Variants in PCDH9 observed in about 807,000 individuals in gnomAD.
The protein encoded by PCDH9 is protocadherin-9.
A neutral mutation model predicts 70.6 loss-of-function variants in PCDH9; 24 were observed. The observed-to-expected ratio is 0.34, with a 90% CI of 0.25 to 0.48. The LOEUF (loss-of-function observed/expected upper bound fraction) is 0.48, where lower values mean the gene tolerates loss of function less well. Ranked by LOEUF, PCDH9 falls within the 20% of genes least tolerant of loss-of-function variation. PCDH9 has a pLI of 0.99. For missense variants in PCDH9, 1,281 were observed against 1,503.6 expected, an observed-to-expected ratio of 0.85 and a Z score of 2.45; for synonymous variants, 562 against 558.5, an observed-to-expected ratio of 1.01 and a Z score of -0.09.
chr13:66,682,352 TTATCTATCTATCTATCTATCTATCTATC>T (rs67403062), intron 3 of PCDH9, among the ~76,000 whole-genome samples: 20 of 150,166 alleles, frequency 1.3e-4, no homozygotes, highest in African/African-American at 3.4e-4. Context: ...GCTGTATTTA[TTATCTATCTATCTATCTATCTATCTATC>T]TATCTATCTA....
intron 2 of PCDH9, among the ~76,000 whole-genome samples, chr13:67,091,335 G>A (rs919823759): frequency 6.6e-6 from 1 of 152,018 alleles, no homozygotes; most frequent in Non-Finnish European, 1.5e-5. Context: ...AAATGCAAGA[G>A]GTGAAGCTAA....
intron 3 of PCDH9, among the ~76,000 whole-genome samples, chr13:66,688,770 T>C (rs112455858): frequency 1.3e-5 from 2 of 152,154 alleles, no homozygotes; most frequent in Admixed American, 6.6e-5. Context: ...ATATAGCACT[T>C]GCATATTTTC....
At chr13:66,473,839 GCTCT>G (rs1402964099) in intron 4 of PCDH9, among the ~76,000 whole-genome samples, 1 of 152,044 alleles carries the variant, frequency 6.6e-6, no homozygotes, top group Non-Finnish European at 1.5e-5. Context: ...AACATATCTG[GCTCT>G]CTATCTCCTG....
chr13:66,646,764 G>T (rs2077776393), intron 3 of PCDH9, among the ~76,000 whole-genome samples: 1 of 152,240 alleles, frequency 6.6e-6, no homozygotes. Flanking sequence ...CACAGGACTT[G>T]GTTTTAACTT....
chr13:66,447,550 T>C (rs1017527397), intron 4 of PCDH9, among the ~76,000 whole-genome samples: 2 of 152,136 alleles, frequency 1.3e-5, no homozygotes, highest in Non-Finnish European at 2.9e-5. Flanking sequence ...TGTTTTAATA[T>C]GTGTGTGCGA....
At chr13:66,666,098 T>C (rs1443622954) in intron 3 of PCDH9, among the ~76,000 whole-genome samples, 1 of 152,200 alleles carries the variant, frequency 6.6e-6, no homozygotes, top group Non-Finnish European at 1.5e-5. Context: ...TGCCACTGTG[T>C]GTGAATGCAG....
intron 3 of PCDH9, among the ~76,000 whole-genome samples, chr13:66,643,274 T>C (rs1477778970): frequency 6.6e-6 from 1 of 152,092 alleles, no homozygotes; most frequent in Non-Finnish European, 1.5e-5. Context: ...ATCAGAGTCC[T>C]TATAATGATC....
At chr13:67,159,486 A>T (rs889097125) in intron 2 of PCDH9, among the ~76,000 whole-genome samples, 2 of 152,202 alleles carry the variant, frequency 1.3e-5, no homozygotes, top group African/African-American at 4.8e-5. Context: ...TGGAATTTAC[A>T]AAAAGAAAAG....
intron 2 of PCDH9, chr13:67,201,036 T>C (rs1347186236): frequency 6.6e-6 from 1 of 152,114 alleles, no homozygotes; most frequent in Non-Finnish European, 1.5e-5. Flanking sequence ...TTCTGAAACT[T>C]TATTGTGAAT....
chr13:66,773,945 T>G (rs2139280528), intron 3 of PCDH9, among the ~76,000 whole-genome samples: 1 of 151,814 alleles, frequency 6.6e-6, no homozygotes, highest in South Asian at 2.1e-4. Flanking sequence ...GCCCGGCTAA[T>G]TTTTGTATTT....
chr13:67,082,387 T>C (rs1017617567), intron 2 of PCDH9, among the ~76,000 whole-genome samples: 25 of 152,208 alleles, frequency 1.6e-4, no homozygotes, highest in Admixed American at 1.4e-3. Context: ...CATAATGTCT[T>C]CCAGATTAAA....
At chr13:66,632,577 T>G (rs1047050062) in intron 3 of PCDH9, among the ~76,000 whole-genome samples, 4 of 152,148 alleles carry the variant, frequency 2.6e-5, no homozygotes, top group African/African-American at 9.7e-5. Context: ...ATTGTCATGT[T>G]TACCAAAAAA....
intron 4 of PCDH9, among the ~76,000 whole-genome samples, chr13:66,562,547 G>A (rs951081770): frequency 1.3e-5 from 2 of 152,190 alleles, no homozygotes; most frequent in Non-Finnish European, 2.9e-5. Flanking sequence ...GCAGGCAAGA[G>A]AGCATGTGCA....
At chr13:67,127,379 G>A (rs549731323) in intron 2 of PCDH9, among the ~76,000 whole-genome samples, 1 of 152,248 alleles carries the variant, frequency 6.6e-6, no homozygotes, top group East Asian at 1.9e-4. Flanking sequence ...CAGGGATGGG[G>A]ATCTGCTCGT....
intron 4 of PCDH9, among the ~76,000 whole-genome samples, chr13:66,483,690 T>C (rs568004300): frequency 4.6e-5 from 7 of 152,304 alleles, no homozygotes; most frequent in South Asian, 2.1e-4. Flanking sequence ...CTTTAAGTGA[T>C]ACTGAAGTGG....
At chr13:66,903,739 T>C (rs2082314416) in intron 2 of PCDH9, 134 bp from the exon 3 acceptor site, 2 of 423,556 alleles carry the variant, frequency 4.7e-6, no homozygotes, top group Non-Finnish European at 8.6e-6. Flanking sequence ...CAGAGATACA[T>C]GCATTAAGAT....
chr13:67,116,558 TA>T (rs932101150), intron 2 of PCDH9, among the ~76,000 whole-genome samples: 22 of 151,680 alleles, frequency 1.5e-4, no homozygotes, highest in African/African-American at 4.4e-4. Context: ...TCAACTTGAA[TA>T]AAAAAAAATT....
At chr13:66,363,114 AG>A (rs1243153283) in intron 4 of PCDH9, among the ~76,000 whole-genome samples, 1 of 152,072 alleles carries the variant, frequency 6.6e-6, no homozygotes, top group Admixed American at 6.6e-5. Flanking sequence ...AGGAGGCAAA[AG>A]TTGCAGTGAG....
At chr13:66,655,636 G>C (rs1405622409) in intron 3 of PCDH9, among the ~76,000 whole-genome samples, 1 of 151,864 alleles carries the variant, frequency 6.6e-6, no homozygotes, top group Non-Finnish European at 1.5e-5. Flanking sequence ...GACAAATAAG[G>C]CTTAGCAATA....
Sources: gnomAD v4.1 joint callset for allele counts (sites outside exome capture counted in the v4.1 genomes callset) on GRCh38, gnomAD v4.1.1 for gene constraint, MANE v1.5 for transcripts, NCBI Gene and HGNC (gene_info 2026-07-23, HGNC 2026-07-21) for gene names.